The following ZNF678 variants were observed in gnomAD, a reference collection of about 807,000 sequenced individuals.
ZNF678 encodes the protein zinc finger protein 678.
Under a neutral mutation model 3.0 loss-of-function variants are expected in ZNF678, and 5 were observed. That is an observed-to-expected ratio of 1.69 (90% CI 0.88 to 3.56). The LOEUF is 3.56. ZNF678 is among the 30% of genes most tolerant of loss of function. The pLI, the probability that ZNF678 is intolerant of heterozygous loss-of-function variation, is 0.00. For missense variants in ZNF678, 593 were observed against 605.0 expected, an observed-to-expected ratio of 0.98 and a Z score of 0.21; for synonymous variants, 218 against 199.6, an observed-to-expected ratio of 1.09 and a Z score of -0.78.
chr1:227,567,015 GAAACATC>G (rs1438965169), intron 1 of ZNF678, among the ~76,000 whole-genome samples: 1 of 152,156 alleles, frequency 6.6e-6, no homozygotes, highest in Non-Finnish European at 1.5e-5. Flanking sequence ...ATAGATTCAT[GAAACATC>G]AGTTCCTCTT....
rs1571920482 is a variant in ZNF678, at chr1:227,657,336, G to A, written c.*1508G>A. On this transcript the variant is annotated 3_prime_UTR_variant, in exon 4 of 4. Transcript: ENST00000343776. ...CAGATGTTGATGTCATGCTTGTATA[G>A]CCAACAGAACTGAGGCTAATAAACC... is the stretch of plus-strand genomic sequence containing the variant. The A allele has an allele frequency of 6.6e-6, 1 of 151,952 alleles. No individual in the cohort carries two copies. The highest frequency in any genetic ancestry group is 1.9e-4 in the East Asian group (1 of 5,202). 9.4% of individuals were successfully genotyped at this position (151,952 alleles called of 1,614,324 possible).
At chr1:227,644,955 C>G (rs564722676) in intron 1 of ZNF678, among the ~76,000 whole-genome samples, 1 of 152,278 alleles carries the variant, frequency 6.6e-6, no homozygotes, top group African/African-American at 2.4e-5. Context: ...GCCTTTGTTC[C>G]AGAGGAAGGT....
chr1:227,644,131 C>T (rs1658897332), intron 1 of ZNF678, among the ~76,000 whole-genome samples: 1 of 152,086 alleles, frequency 6.6e-6, no homozygotes, highest in South Asian at 2.1e-4. Flanking sequence ...TCCCAAAGTA[C>T]TGGGATTACA....
At chr1:227,607,932 A>G (rs1173651115) in intron 1 of ZNF678, among the ~76,000 whole-genome samples, 1 of 151,436 alleles carries the variant, frequency 6.6e-6, no homozygotes, top group East Asian at 1.9e-4. Flanking sequence ...TTTAGTATAT[A>G]GGAAAAATTG....
In ZNF678 at chr1:227,655,936, A is replaced by G. The variant is rs935430735; in HGVS notation, c.*108A>G. On this transcript the variant is annotated 3_prime_UTR_variant, in exon 4 of 4. Coordinates refer to ENST00000343776, the MANE Select transcript of ZNF678 (RefSeq NM_001367909.1). ...ACAAAATGTAAGCTTCAGAGTGCAC[A>G]ACACTATACTGAATGAAATTTATAA... The G allele has an allele frequency of 2.5e-6, 2 of 803,882 alleles. No individual in the cohort carries two copies. Among genetic ancestry groups the G allele is most frequent in the African/African-American group, 3.5e-5 (2 of 56,982 alleles). The allele number at this position is 803,882 out of a possible 1,614,324, so 49.8% of individuals were successfully genotyped here.
chr1:227,592,593 G>C (rs1401764564), intron 1 of ZNF678, among the ~76,000 whole-genome samples: 3 of 152,232 alleles, frequency 2.0e-5, no homozygotes, highest in African/African-American at 7.2e-5. Flanking sequence ...GGTTGTAATA[G>C]ATGTAGTTTA....
intron 1 of ZNF678, among the ~76,000 whole-genome samples, chr1:227,595,957 A>T (rs1306754376): frequency 6.6e-6 from 1 of 152,194 alleles, no homozygotes; most frequent in Admixed American, 6.5e-5. Context: ...TGATCAGTCC[A>T]TGCTTCCACT....
rs369802693 is a variant in ZNF678, at chr1:227,582,132, CTA to C, written c.-164+18411_-164+18412del. ...TTTTTCTTATTAATTTGCAAATACT[CTA>C]TACATTCTGGATACAAGTATATTGT... On this transcript the variant is annotated intron_variant, in intron 1 of 3. Transcript: ENST00000343776. Among the ~76,000 whole-genome samples, 450 of 152,062 alleles carry C rather than the reference CTA, an allele frequency of 3.0e-3. 1 individual carries two copies. The highest frequency in any genetic ancestry group is 0.01 in the African/African-American group (424 of 41,448).
At chr1:227,594,914 A>AT (rs1406973587) in intron 1 of ZNF678, among the ~76,000 whole-genome samples, 15 of 151,942 alleles carry the variant, frequency 9.9e-5, no homozygotes, top group South Asian at 4.2e-4. Context: ...TCTAAAAGTT[A>AT]TTTTTTTTAC....
intron 2 of ZNF678, among the ~76,000 whole-genome samples, chr1:227,647,422 C>T (rs1471248917): frequency 6.6e-6 from 1 of 152,110 alleles, no homozygotes; most frequent in Non-Finnish European, 1.5e-5. Context: ...CAGCAAGAGT[C>T]ATGTTATTTT....
At chr1:227,676,336 A>C (rs1015415145) in intron 5 of ZNF678, among the ~76,000 whole-genome samples, 2 of 152,220 alleles carry the variant, frequency 1.3e-5, no homozygotes, top group African/African-American at 4.8e-5. Flanking sequence ...GTGTAAGACT[A>C]CCAAATGTAA....
intron 1 of ZNF678, among the ~76,000 whole-genome samples, chr1:227,564,673 A>C (rs12120313): frequency 0.2 from 29,709 of 152,166 alleles, 3,070 homozygotes; most frequent in East Asian, 0.25. Flanking sequence ...TATTTTAATT[A>C]ATCATTTTTT....
chr1:227,580,671 T>C lies in ZNF678; in HGVS notation c.-164+16947T>C, dbSNP rs1355782441. Among the ~76,000 whole-genome samples the C allele has an allele frequency of 3.9e-5, 6 of 152,296 alleles. No homozygotes were observed. The East Asian group carries it at 1.2e-3, about 29-fold the overall frequency. On this transcript the variant is annotated intron_variant, in intron 1 of 3. Transcript: ENST00000343776. ...AAGGCCAGGCACGGTGGCTAATGCC[T>C]GTAATCTCAGCACTTTGGGAGGCCA... is the stretch of plus-strand genomic sequence containing the variant.
chr1:227,570,649 T>C (rs1213715145), intron 1 of ZNF678, among the ~76,000 whole-genome samples: 1 of 151,634 alleles, frequency 6.6e-6, no homozygotes, highest in East Asian at 1.9e-4. Context: ...ATAAAGTTAC[T>C]TTGGTTAATG....
chr1:227,583,384 C>A (rs1156617899), intron 1 of ZNF678, among the ~76,000 whole-genome samples: 2 of 125,186 alleles, frequency 1.6e-5, no homozygotes, highest in African/African-American at 6.3e-5. Flanking sequence ...CAGAGTCTTG[C>A]CTTGTCGCCC....
intron 1 of ZNF678, among the ~76,000 whole-genome samples, chr1:227,633,471 C>A (rs1241690768): frequency 6.6e-6 from 1 of 152,150 alleles, no homozygotes. Flanking sequence ...GTTACAAGCC[C>A]CGTGTTTAAA....
chr1:227,670,827 G>A (rs895511076), intron 5 of ZNF678, among the ~76,000 whole-genome samples: 1 of 152,168 alleles, frequency 6.6e-6, no homozygotes, highest in African/African-American at 2.4e-5. Context: ...TACTGCCTCA[G>A]AGTCTCTATG....
intron 1 of ZNF678, among the ~76,000 whole-genome samples, chr1:227,601,711 T>C (rs1336368821): frequency 6.6e-6 from 1 of 151,956 alleles, no homozygotes; most frequent in Non-Finnish European, 1.5e-5. Flanking sequence ...ATTACAGGCA[T>C]GTGCCAACAC....
At chr1:227,574,948 TTG>T (rs1656950842) in intron 1 of ZNF678, among the ~76,000 whole-genome samples, 6 of 93,440 alleles carry the variant, frequency 6.4e-5, no homozygotes, top group African/African-American at 3.2e-4. Flanking sequence ...GGGTTTTTTG[TTG>T]TTGTTGTTGT....
Sources: gnomAD v4.1 joint callset for allele counts (sites outside exome capture counted in the v4.1 genomes callset) on GRCh38, gnomAD v4.1.1 for gene constraint, MANE v1.5 for transcripts, NCBI Gene and HGNC (gene_info 2026-07-23, HGNC 2026-07-21) for gene names.